SYT14: variants seen among roughly 807,000 people sequenced by gnomAD.
SYT14 encodes the protein synaptotagmin 14.
In SYT14, 32 loss-of-function variants were observed where a neutral mutation model predicts 74.2. The ratio of observed to expected loss-of-function variants is 0.43; its 90% CI spans 0.33 to 0.58. SYT14 has a LOEUF of 0.58. Among genes scored for constraint, SYT14 ranks in the 20% least tolerant of loss-of-function variants. The pLI is 0.05. For missense variants in SYT14, 791 were observed against 981.8 expected (o/e 0.81, Z 2.60); for synonymous variants, 298 against 337.7 (o/e 0.88, Z 1.29).
At chr1:210,132,837 T>C (rs2082705730) in intron 7 of SYT14, among the ~76,000 whole-genome samples, 1 of 152,182 alleles carries the variant, frequency 6.6e-6, no homozygotes, top group Admixed American at 6.5e-5. Context: ...CTAGCGTAGC[T>C]GCCTTAAATC....
rs977663756 is a variant in SYT14, at chr1:210,150,332, G to A, written c.2035-5389G>A. Among the ~76,000 whole-genome samples the A allele has an allele frequency of 1.2e-4, 18 of 152,304 alleles. 2 individuals are homozygous for A. The highest frequency in any genetic ancestry group is 8.5e-4 in the Admixed American group (13 of 15,292). The stretch of plus-strand genomic sequence containing the variant: ...AAGCCACTGCTCACTCCAGTAGGCT[G>A]TCCCTTTGATACACTCGGTATTTTT... On this transcript the variant is annotated intron_variant, in intron 7 of 9. Coordinates refer to ENST00000637265, the Ensembl canonical transcript of SYT14.
chr1:210,022,578 T>C (rs1193162176), intron 5 of SYT14, among the ~76,000 whole-genome samples: 8 of 152,228 alleles, frequency 5.3e-5, no homozygotes, highest in Admixed American at 4.6e-4. Flanking sequence ...TCTCTTAATA[T>C]ATTAGCTGTG....
intron 1 of SYT14, among the ~76,000 whole-genome samples, chr1:209,941,427 A>C (rs527380261): frequency 1.3e-5 from 2 of 152,186 alleles, no homozygotes; most frequent in Admixed American, 6.5e-5. Context: ...GTTGGGAATC[A>C]TTGTTGTAGC....
Position 209,970,662 on chromosome 1 carries a change from C to CTTTTTT in SYT14, c.-486+17940_-486+17945dup, listed in dbSNP as rs35639848. The stretch of plus-strand genomic sequence containing the variant: ...TTACAGATTGCTTTGGGCAGTATGG[C>CTTTTTT]TTTTTTTTTTTTTTTTTTTTTTTTT... On this transcript the variant is annotated intron_variant, in intron 2 of 9. Transcript: ENST00000637265. 4.7e-3 allele frequency among the ~76,000 whole-genome samples: 295 copies of CTTTTTT among 62,782 alleles called. 86 individuals carry two copies. The highest frequency in any genetic ancestry group is 9.6e-3 in the East Asian group (12 of 1,248). 41.2% of individuals were successfully genotyped at this position (62,782 alleles called of 152,430 possible). A position where few individuals can be genotyped will look rare whatever the true frequency, so the allele number is the denominator to read the frequency against.
chr1:210,025,386 G>A (rs2080388847), intron 5 of SYT14, among the ~76,000 whole-genome samples: 1 of 152,154 alleles, frequency 6.6e-6, no homozygotes, highest in African/African-American at 2.4e-5. Context: ...TGACCCTTTG[G>A]TCTGCATGTG....
intron 2 of SYT14, among the ~76,000 whole-genome samples, chr1:210,000,948 A>G (rs1204354900): frequency 2.6e-5 from 4 of 152,122 alleles, no homozygotes; most frequent in Admixed American, 2.6e-4. Flanking sequence ...GATTAAAAAC[A>G]CATTATTTTA....
At chr1:210,097,768 A>G (rs754269919) in intron 6 of SYT14, among the ~76,000 whole-genome samples, 3 of 152,220 alleles carry the variant, frequency 2.0e-5, no homozygotes, top group African/African-American at 4.8e-5. Context: ...TGATTTTCTT[A>G]TGCTACATTA....
exon 10 of SYT14, chr1:210,163,208 T>C: frequency 2.2e-6 from 1 of 452,746 alleles, no homozygotes; most frequent in Non-Finnish European, 4.4e-6. Context: ...ACCAGCTTGG[T>C]GCTTTCACTC....
intron 7 of SYT14, among the ~76,000 whole-genome samples, chr1:210,108,011 C>T (rs1192971100): frequency 6.6e-6 from 1 of 151,988 alleles, no homozygotes; most frequent in Non-Finnish European, 1.5e-5. Context: ...TAAATAAGTT[C>T]CTTGCTGGAT....
At chr1:210,140,520 T>C (rs1156806618) in intron 7 of SYT14, among the ~76,000 whole-genome samples, 4 of 152,076 alleles carry the variant, frequency 2.6e-5, no homozygotes, top group Non-Finnish European at 5.9e-5. Flanking sequence ...AAATTCAGTT[T>C]ATTGATTTTT....
At chr1:210,133,101 T>C (rs193259263) in intron 7 of SYT14, among the ~76,000 whole-genome samples, 144 of 152,350 alleles carry the variant, frequency 9.5e-4, no homozygotes, top group Non-Finnish European at 1.6e-3. Context: ...GGTACCTTCT[T>C]TTAATTAATA....
At chr1:210,045,962 A>G (rs889537930) in intron 5 of SYT14, among the ~76,000 whole-genome samples, 3 of 152,202 alleles carry the variant, frequency 2.0e-5, no homozygotes, top group Admixed American at 1.3e-4. Context: ...TATATTTGAT[A>G]TTATAAATCA....
At chr1:209,949,546 C>T (rs1363368702) in intron 1 of SYT14, among the ~76,000 whole-genome samples, 1 of 147,232 alleles carries the variant, frequency 6.8e-6, no homozygotes, top group Non-Finnish European at 1.5e-5. Context: ...GCACTCCAGC[C>T]TGGCGACAGA....
At chr1:210,017,169 A>G (rs761360955) in intron 4 of SYT14, 1 of 1,100,440 alleles carries the variant, frequency 9.1e-7, no homozygotes, top group Non-Finnish European at 1.2e-6. Context: ...GTAAAACATC[A>G]TCCAAATTTC....
At chr1:209,982,320 T>A (rs1189764222) in intron 2 of SYT14, among the ~76,000 whole-genome samples, 1 of 152,138 alleles carries the variant, frequency 6.6e-6, no homozygotes, top group Non-Finnish European at 1.5e-5. Flanking sequence ...CGTGGCTGGC[T>A]TATTTTTGTA....
chr1:210,002,802 GT>G, intron 2 of SYT14, among the ~76,000 whole-genome samples: 1 of 151,926 alleles, frequency 6.6e-6, no homozygotes. Context: ...TTAAAAAAAT[GT>G]TTTTACACAT....
At chr1:210,152,358 T>C (rs1267433050) in intron 7 of SYT14, among the ~76,000 whole-genome samples, 1 of 152,204 alleles carries the variant, frequency 6.6e-6, no homozygotes, top group East Asian at 1.9e-4. Flanking sequence ...AACTCCAGGA[T>C]TCTTTAAAAC....
chr1:210,087,595 C>T (rs2081762575), intron 5 of SYT14, among the ~76,000 whole-genome samples: 1 of 152,070 alleles, frequency 6.6e-6, no homozygotes, highest in African/African-American at 2.4e-5. Flanking sequence ...TCAGCATGCT[C>T]TGTAGGACTG....
At chr1:210,096,356 A>G (rs910948913) in intron 6 of SYT14, among the ~76,000 whole-genome samples, 12 of 152,134 alleles carry the variant, frequency 7.9e-5, no homozygotes, top group African/African-American at 2.7e-4. Context: ...AAGATGCTCA[A>G]ATTATTGTGT....
Sources: allele counts gnomAD v4.1 joint callset (sites outside exome capture counted in the v4.1 genomes callset), GRCh38; gene constraint gnomAD v4.1.1; transcripts MANE v1.5; gene names NCBI Gene and HGNC (gene_info 2026-07-23, HGNC 2026-07-21).